EVL: variants seen among roughly 807,000 people sequenced by gnomAD.
EVL encodes the protein ena/VASP-like protein.
Under a neutral mutation model 59.6 loss-of-function variants are expected in EVL, and 21 were observed. The ratio of observed to expected loss-of-function variants is 0.35; its 90% confidence interval spans 0.25 to 0.51. EVL has a LOEUF of 0.51. EVL is among the 20% of genes least tolerant of loss of function. EVL has a pLI of 0.97. For synonymous variants in EVL, 198 were observed against 203.5 expected (o/e 0.97, Z 0.23); for missense variants, 462 against 546.6 (o/e 0.85, Z 1.54).
intron 1 of EVL, among the ~76,000 whole-genome samples, chr14:100,032,823 C>T (rs1005533843): frequency 1.3e-5 from 2 of 152,182 alleles, no homozygotes; most frequent in Non-Finnish European, 2.9e-5. Flanking sequence ...TTAATTTCCT[C>T]TATCTTATCC....
intron 1 of EVL, among the ~76,000 whole-genome samples, chr14:100,073,607 A>T (rs1160724575): frequency 6.6e-6 from 1 of 152,162 alleles, no homozygotes; most frequent in Non-Finnish European, 1.5e-5. Flanking sequence ...GGTGTGAGCC[A>T]CTGTGCCCGG....
At chr14:100,102,448 A>T (rs552957756) in intron 3 of EVL, 20 of 448,546 alleles carry the variant, frequency 4.5e-5, no homozygotes, top group African/African-American at 3.0e-4. Context: ...TACATTGTCT[A>T]CATTTTAGGA....
chr14:100,098,064 A>C (rs1241078395), intron 3 of EVL, among the ~76,000 whole-genome samples: 1 of 152,250 alleles, frequency 6.6e-6, no homozygotes, highest in Admixed American at 6.5e-5. Context: ...TGAGGGCAAG[A>C]AACCGTGTAG....
At chr14:100,033,893 AAAAAC>A (rs1164644573) in intron 1 of EVL, among the ~76,000 whole-genome samples, 1 of 152,136 alleles carries the variant, frequency 6.6e-6, no homozygotes, top group African/African-American at 2.4e-5. Context: ...ACTTCGTGGG[AAAAAC>A]AAAACAAAAA....
upstream of EVL, among the ~76,000 whole-genome samples, chr14:100,063,883 A>G (rs1220758675): frequency 2.6e-5 from 4 of 152,250 alleles, no homozygotes; most frequent in Non-Finnish European, 5.9e-5. Flanking sequence ...AGTCACACCA[A>G]ATATGTTCTC....
At chr14:100,096,782 C>G (rs1203249913) in intron 2 of EVL, among the ~76,000 whole-genome samples, 1 of 152,210 alleles carries the variant, frequency 6.6e-6, no homozygotes, top group Non-Finnish European at 1.5e-5. Flanking sequence ...TTGTAAGCAC[C>G]TGAATGTCTG....
intron 1 of EVL, chr14:100,066,428 G>A (rs72711917): frequency 0.018 from 2,719 of 152,314 alleles, 34 homozygotes; most frequent in Non-Finnish European, 0.027. Flanking sequence ...AGGGTTTAAC[G>A]AGGTTGGCCT....
intron 7 of EVL, 77 bp downstream of exon 7, chr14:100,129,761 A>C (rs1395328377): frequency 1.8e-5 from 26 of 1,441,838 alleles, no homozygotes; most frequent in Non-Finnish European, 2.4e-5. Flanking sequence ...TGCACAGAGA[A>C]TCCTCTCTTG....
intron 1 of EVL, chr14:100,019,650 G>A: frequency 6.5e-7 from 1 of 1,532,726 alleles, no homozygotes; most frequent in Non-Finnish European, 8.7e-7. Flanking sequence ...TAAGGAAATT[G>A]TCTCTGACTA....
intron 13 of EVL, among the ~76,000 whole-genome samples, chr14:100,143,231 G>A (rs1461212214): frequency 6.6e-6 from 1 of 152,032 alleles, no homozygotes; most frequent in Non-Finnish European, 1.5e-5. Context: ...CAGTCCCTGG[G>A]GTCCAGGGCC....
At chr14:100,077,500 G>A (rs1209510115) in intron 1 of EVL, among the ~76,000 whole-genome samples, 6 of 152,188 alleles carry the variant, frequency 3.9e-5, no homozygotes, top group Non-Finnish European at 8.8e-5. Flanking sequence ...TAGAAGAAAG[G>A]ACAGGACTGG....
intron 1 of EVL, among the ~76,000 whole-genome samples, chr14:100,054,049 C>CTTTTTTTTTTTTTTTTTTTTTTTTTGTA (rs11302582): frequency 1.6e-5 from 1 of 61,256 alleles, no homozygotes; most frequent in Non-Finnish European, 2.9e-5. Flanking sequence ...TATTTTTGGA[C>CTTTTTTTTTTTTTTTTTTTTTTTTTGTA]TTTTTTTTTT....
At chr14:100,020,635 A>G (rs887491432) in intron 1 of EVL, among the ~76,000 whole-genome samples, 47 of 152,100 alleles carry the variant, frequency 3.1e-4, no homozygotes, top group Admixed American at 2.3e-3. Context: ...TATTCCTCCA[A>G]ATGTTGCTGC....
At chr14:100,049,254 G>A (rs1393339654) in intron 1 of EVL, among the ~76,000 whole-genome samples, 1 of 152,180 alleles carries the variant, frequency 6.6e-6, no homozygotes, top group Non-Finnish European at 1.5e-5. Context: ...GAAGCAGAAG[G>A]TTTGGAAACA....
rs191060322 is a variant in EVL, at chr14:100,127,431, C to T, written c.487+660C>T. Among the ~76,000 whole-genome samples, 8 of 152,292 alleles carry T rather than the reference C, an allele frequency of 5.3e-5. No homozygotes were observed. The East Asian group carries it at 1.5e-3, about 29-fold the overall frequency. On this transcript the variant is annotated intron_variant, in intron 5 of 13. Transcript: ENST00000392920. This position sits in a 1 kb window ranked among gnomAD's most constrained non-coding sequence, Gnocchi z 4.2. Reference sequence around the variant, plus strand: ...TTGACTGATGAGAAACCCGAGCCCCCACTGGTTACAGGAACGCTCTGCTCG... The same window carrying T: ...TTGACTGATGAGAAACCCGAGCCCCTACTGGTTACAGGAACGCTCTGCTCG...
intron 1 of EVL, among the ~76,000 whole-genome samples, chr14:99,985,093 A>G (rs2060831637): frequency 6.6e-6 from 1 of 151,908 alleles, no homozygotes; most frequent in African/African-American, 2.4e-5. Context: ...GACTTAACTC[A>G]TTTAATTTTA....
upstream of EVL, chr14:99,971,434 C>G (rs553589368): frequency 1.3e-5 from 2 of 151,940 alleles, no homozygotes; most frequent in East Asian, 3.9e-4. Flanking sequence ...GCTCAGCGCT[C>G]CCGGAGGCGC....
chr14:100,048,260 G>A (rs1264502777), intron 1 of EVL, among the ~76,000 whole-genome samples: 1 of 152,090 alleles, frequency 6.6e-6, no homozygotes, highest in African/African-American at 2.4e-5. Context: ...AATACAAAGG[G>A]CTTGTCTTTG....
chr14:100,073,146 C>A (rs1029013835), intron 1 of EVL, among the ~76,000 whole-genome samples: 2 of 151,624 alleles, frequency 1.3e-5, no homozygotes, highest in African/African-American at 4.9e-5. Context: ...TGACTGAGGT[C>A]CCCCCACCCA....
Sources: gnomAD v4.1 joint callset for allele counts (sites outside exome capture counted in the v4.1 genomes callset) on GRCh38, gnomAD v4.1.1 for gene constraint, Gnocchi (gnomAD v3.1) non-coding constraint, MANE v1.5 for transcripts, NCBI Gene and HGNC (gene_info 2026-07-23, HGNC 2026-07-21) for gene names.